Variants in SHISAL1 observed in about 807,000 individuals in gnomAD.
SHISAL1 encodes the protein shisa like 1.
In SHISAL1, 9 loss-of-function variants were observed where a neutral mutation model predicts 22.6. The ratio of observed to expected loss-of-function variants is 0.40; its 90% CI spans 0.24 to 0.70. The LOEUF is 0.70. SHISAL1 is among the 30% of genes least tolerant of loss of function. SHISAL1 has a pLI of 0.39. For synonymous variants in SHISAL1, 119 were observed against 115.4 expected, an observed-to-expected ratio of 1.03 and a Z score of -0.20; for missense variants, 246 against 270.6, an observed-to-expected ratio of 0.91 and a Z score of 0.64.
the SHISAL1 span, among the ~76,000 whole-genome samples, chr22:44,330,578 C>T: frequency 1.3e-5 from 2 of 152,148 alleles, no homozygotes; most frequent in African/African-American, 4.8e-5. Context: ...GGGGCATGGA[C>T]CCGGCCTTGT....
intron 4 of SHISAL1, among the ~76,000 whole-genome samples, chr22:44,251,923 G>C (rs188886010): frequency 1.3e-5 from 2 of 149,464 alleles, no homozygotes; most frequent in African/African-American, 5.0e-5. Context: ...TGGTTAAAAT[G>C]GTAAATGTTA....
At chr22:44,266,391 G>C (rs994680844) in intron 4 of SHISAL1, among the ~76,000 whole-genome samples, 1 of 148,996 alleles carries the variant, frequency 6.7e-6, no homozygotes, top group Non-Finnish European at 1.5e-5. Context: ...GTTTGTGTGT[G>C]TTTGTCGGAG....
intron 4 of SHISAL1, among the ~76,000 whole-genome samples, chr22:44,251,758 A>G (rs1263522797): frequency 6.6e-6 from 1 of 152,190 alleles, no homozygotes; most frequent in East Asian, 1.9e-4. Flanking sequence ...ACCTGCCCCC[A>G]TGATTCAATT....
At chr22:44,270,523 G>A (rs2147280238) in intron 4 of SHISAL1, among the ~76,000 whole-genome samples, 1 of 152,300 alleles carries the variant, frequency 6.6e-6, no homozygotes, top group East Asian at 1.9e-4. Flanking sequence ...GGGCAGTGAA[G>A]GTCCAGAGGG....
At chr22:44,304,489 C>T (rs1057365969) in intron 1 of SHISAL1, among the ~76,000 whole-genome samples, 3 of 152,208 alleles carry the variant, frequency 2.0e-5, no homozygotes, top group African/African-American at 7.2e-5. Context: ...AAACGCAGGC[C>T]TCTAACACTA....
At chr22:44,254,068 G>A (rs1463045931) in intron 4 of SHISAL1, among the ~76,000 whole-genome samples, 1 of 151,956 alleles carries the variant, frequency 6.6e-6, no homozygotes, top group Non-Finnish European at 1.5e-5. Flanking sequence ...AGATAACCTT[G>A]AGTTAGAGCA....
At chr22:44,314,206 G>A (rs557868936), upstream of SHISAL1, among the ~76,000 whole-genome samples, 1 of 147,612 alleles carries the variant, frequency 6.8e-6, no homozygotes, top group Non-Finnish European at 1.5e-5. Flanking sequence ...TGGGGCGGGG[G>A]TGGGGGTGGG....
upstream of SHISAL1, among the ~76,000 whole-genome samples, chr22:44,313,055 C>T (rs983292572): frequency 6.6e-6 from 1 of 152,202 alleles, no homozygotes; most frequent in Non-Finnish European, 1.5e-5. Flanking sequence ...AGGATGGCAG[C>T]GGCTGCTCCC....
At chr22:44,284,897 G>GCCTGCCTGCCTTCCTTCCTTCCTTCCTT (rs570595554) in intron 4 of SHISAL1, among the ~76,000 whole-genome samples, 2,060 of 134,560 alleles carry the variant, frequency 0.015, 23 homozygotes, top group South Asian at 0.031. Context: ...CTGCCTTCCT[G>GCCTGCCTGCCTTCCTTCCTTCCTTCCTT]CCTTCCTTCC....
intron 1 of SHISAL1, among the ~76,000 whole-genome samples, chr22:44,302,947 A>G (rs7510586): frequency 0.011 from 1,026 of 96,104 alleles, 177 homozygotes; most frequent in African/African-American, 0.072. Flanking sequence ...AGGGGCAAAG[A>G]CCCTGGGGTT....
At chr22:44,293,730 T>G (rs182828294) in intron 3 of SHISAL1, among the ~76,000 whole-genome samples, 2 of 152,336 alleles carry the variant, frequency 1.3e-5, no homozygotes, top group African/African-American at 4.8e-5. Flanking sequence ...GAGGATGGGC[T>G]GCCAGGTAGC....
Position 44,257,412 on chromosome 22 carries a change from C to T in SHISAL1, c.*-7727G>A, listed in dbSNP as rs559585364. On this transcript the variant is annotated intron_variant, in intron 4 of 4. Transcript: ENST00000381176. ...GTCCTCAGCCACCTCCCATACCGTG[C>T]TTTCCTTCCCTGGGCATTGGTCATT... Among the ~76,000 whole-genome samples the T allele has an allele frequency of 1.5e-4, 23 of 152,294 alleles. No homozygotes were observed. The East Asian group carries it at 1.5e-3, about 10-fold the overall frequency.
At chr22:44,275,842 T>C (rs776798145) in intron 4 of SHISAL1, among the ~76,000 whole-genome samples, 2 of 152,232 alleles carry the variant, frequency 1.3e-5, no homozygotes, top group Non-Finnish European at 2.9e-5. Context: ...AAGTCCTCAA[T>C]AAATGGGAGC....
At chr22:44,318,766 G>A in the SHISAL1 span, among the ~76,000 whole-genome samples, 1 of 152,228 alleles carries the variant, frequency 6.6e-6, no homozygotes, top group East Asian at 1.9e-4. Context: ...GGTTCTTTTA[G>A]GTGAGTAGCA....
At chr22:44,250,250 A>G (rs1215719630) in intron 4 of SHISAL1, among the ~76,000 whole-genome samples, 1 of 152,232 alleles carries the variant, frequency 6.6e-6, no homozygotes, top group East Asian at 1.9e-4. Context: ...ATAACAAACT[A>G]AATATTAAAC....
chr22:44,304,447 G>C (rs1372570487), intron 1 of SHISAL1, among the ~76,000 whole-genome samples: 6 of 152,222 alleles, frequency 3.9e-5, no homozygotes, highest in African/African-American at 9.7e-5. Context: ...CAGAACAAGG[G>C]AAGGGACTAT....
intron 4 of SHISAL1, among the ~76,000 whole-genome samples, chr22:44,253,144 G>A (rs1349837739): frequency 6.6e-6 from 1 of 152,126 alleles, no homozygotes; most frequent in African/African-American, 2.4e-5. Flanking sequence ...AACGTTATGT[G>A]CATTTTACCA....
rs2054977615 is a variant in SHISAL1, at chr22:44,244,063, A to C, written c.*5622T>G. ...TTGTCGAGACACTGACCACTTGGTT[A>C]TTTGACTGTGAGGTATGCCACTAGC... On this transcript the variant is annotated 3_prime_UTR_variant, in exon 5 of 5. Transcript: ENST00000381176. 6.6e-6 allele frequency: 1 copy of C among 152,236 alleles called. No individual in the cohort carries two copies. The highest frequency in any genetic ancestry group is 2.4e-5 in the African/African-American group (1 of 41,452). 9.4% of individuals were successfully genotyped at this position (152,236 alleles called of 1,614,324 possible). A position where few individuals can be genotyped will look rare whatever the true frequency, so the allele number is the denominator to read the frequency against.
the SHISAL1 span, among the ~76,000 whole-genome samples, chr22:44,319,391 G>A: frequency 6.6e-6 from 1 of 152,224 alleles, no homozygotes; most frequent in Non-Finnish European, 1.5e-5. Flanking sequence ...GTTCTTTCTA[G>A]GACTCAGGCT....
Sources: allele counts gnomAD v4.1 joint callset (sites outside exome capture counted in the v4.1 genomes callset), GRCh38; gene constraint gnomAD v4.1.1; transcripts MANE v1.5; gene names NCBI Gene and HGNC (gene_info 2026-07-23, HGNC 2026-07-21).